COL4A2: variants seen among roughly 807,000 people sequenced by gnomAD.
COL4A2 encodes collagen type IV alpha 2 chain.
A neutral mutation model predicts 200.2 loss-of-function variants in COL4A2; 99 were observed. That is an observed-to-expected ratio of 0.49 (90% CI 0.42 to 0.58). COL4A2 has a LOEUF of 0.58. Among genes scored for constraint, COL4A2 ranks in the 20% least tolerant of loss-of-function variants. The probability of loss-of-function intolerance (pLI) is 0.00; values close to 1 mark genes in which losing one functional copy is unlikely to be tolerated. For missense variants in COL4A2, 1,950 were observed against 2,314.1 expected, an observed-to-expected ratio of 0.84 and a Z score of 3.23; for synonymous variants, 897 against 900.6, an observed-to-expected ratio of 1.00 and a Z score of 0.07.
intron 3 of COL4A2, among the ~76,000 whole-genome samples, chr13:110,341,936 T>A (rs1408703134): frequency 6.6e-6 from 1 of 152,212 alleles, no homozygotes; most frequent in Non-Finnish European, 1.5e-5. Flanking sequence ...TGTTAGTTGT[T>A]TGTAATATGA....
intron 20 of COL4A2, chr13:110,456,795 G>A: frequency 2.1e-6 from 1 of 480,808 alleles, no homozygotes; most frequent in Non-Finnish European, 4.3e-6. Flanking sequence ...TGGGATGCCG[G>A]GCACCCATGG....
At chr13:110,496,063 C>T (rs564908922) in intron 40 of COL4A2, among the ~76,000 whole-genome samples, 6 of 152,336 alleles carry the variant, frequency 3.9e-5, no homozygotes, top group South Asian at 2.1e-4. Flanking sequence ...TCCCCCACCC[C>T]GCCCACCTCA....
chr13:110,361,766 A>T (rs2139392697), intron 4 of COL4A2, among the ~76,000 whole-genome samples: 1 of 152,288 alleles, frequency 6.6e-6, no homozygotes, highest in Non-Finnish European at 1.5e-5. Flanking sequence ...CCCATAGATA[A>T]TTCCAGCAAG....
At chr13:110,387,357 A>G (rs1011939096) in intron 4 of COL4A2, among the ~76,000 whole-genome samples, 1 of 152,258 alleles carries the variant, frequency 6.6e-6, no homozygotes, top group African/African-American at 2.4e-5. Context: ...CCAGACCCTG[A>G]GCTGCTGGAG....
chr13:110,510,636 A>C (rs563619747), intron 47 of COL4A2, among the ~76,000 whole-genome samples: 1 of 149,840 alleles, frequency 6.7e-6, no homozygotes, highest in South Asian at 2.2e-4. Flanking sequence ...GTGTGTGTAC[A>C]TGCGTGCATT....
rs140841640 is a variant in COL4A2, at chr13:110,374,799, G to C, written c.180+17247G>C. On this transcript the variant is annotated intron_variant, in intron 4 of 47. Coordinates refer to ENST00000360467, the MANE Select transcript of COL4A2 (RefSeq NM_001846.4). ...CCCCTGACTCTGCTAACCTCATGCC[G>C]ATTATACTTCTGTAGTTTCATTAAG... Among the ~76,000 whole-genome samples the C allele has an allele frequency of 7.9e-5, 12 of 152,204 alleles. No homozygotes were observed. In the South Asian group the frequency reaches 1.2e-3, roughly 16 times the overall value.
At chr13:110,380,168 G>C (rs1318240183) in intron 4 of COL4A2, among the ~76,000 whole-genome samples, 2 of 152,208 alleles carry the variant, frequency 1.3e-5, no homozygotes, top group Non-Finnish European at 2.9e-5. Flanking sequence ...CAACCCAGCT[G>C]GGAGTGATTT....
rs9583491 is a variant in COL4A2, at chr13:110,407,483, G to A, written c.181-17251G>A. Among the ~76,000 whole-genome samples, 1,092 of 152,354 alleles carry A rather than the reference G, an allele frequency of 7.2e-3. 11 individuals are homozygous for A. The highest frequency in any genetic ancestry group is 0.023 in the African/African-American group (965 of 41,592). On this transcript the variant is annotated intron_variant, in intron 4 of 47. Coordinates refer to ENST00000360467, the MANE Select transcript of COL4A2 (RefSeq NM_001846.4). ...GCCGTGGCACACGCAGCACCAGGAG[G>A]CCTGGGCATCACATCCACCGACCCG... is the stretch of plus-strand genomic sequence containing the variant.
At chr13:110,484,713 C>T (rs1883050357) in intron 32 of COL4A2, among the ~76,000 whole-genome samples, 192 bp from the exon 33 acceptor site, 1 of 152,084 alleles carries the variant, frequency 6.6e-6, no homozygotes. Context: ...GGCCCAGGAC[C>T]CTGGAGCCAC....
chr13:110,416,949 C>G (rs1880061939), intron 4 of COL4A2, among the ~76,000 whole-genome samples: 1 of 151,728 alleles, frequency 6.6e-6, no homozygotes. Context: ...AAAGCTAGGT[C>G]TTGGTTTCTT....
intron 29 of COL4A2, among the ~76,000 whole-genome samples, chr13:110,474,681 ACGTACCCACACACGTGCC>A (rs1882615539): frequency 2.1e-5 from 3 of 144,688 alleles, no homozygotes; most frequent in Non-Finnish European, 3.0e-5. Flanking sequence ...CTCCTTACAC[ACGTACCCACACACGTGCC>A]TGTGTACACT....
At chr13:110,321,178 A>G (rs1267255476) in intron 3 of COL4A2, among the ~76,000 whole-genome samples, 2 of 149,770 alleles carry the variant, frequency 1.3e-5, no homozygotes, top group Non-Finnish European at 3.0e-5. Flanking sequence ...TATAGTGTGC[A>G]TGTGTGTGTG....
intron 3 of COL4A2, among the ~76,000 whole-genome samples, chr13:110,336,085 A>G (rs1876172746): frequency 6.6e-6 from 1 of 152,206 alleles, no homozygotes; most frequent in African/African-American, 2.4e-5. Flanking sequence ...ATTTGCCTCT[A>G]TGTATCTTCT....
intron 3 of COL4A2, among the ~76,000 whole-genome samples, chr13:110,327,237 A>T (rs1271745402): frequency 6.6e-6 from 1 of 152,144 alleles, no homozygotes; most frequent in African/African-American, 2.4e-5. Flanking sequence ...CACCCATGGA[A>T]TTTGGGCGTC....
intron 40 of COL4A2, among the ~76,000 whole-genome samples, chr13:110,496,755 C>T (rs1279579885): frequency 6.6e-6 from 1 of 151,176 alleles, no homozygotes; most frequent in East Asian, 2.0e-4. Flanking sequence ...CCAGCACAGC[C>T]TCAGTCAAGG....
rs200619936 is a variant in COL4A2, at chr13:110,368,853, G to A, written c.180+11301G>A. On this transcript the variant is annotated intron_variant, in intron 4 of 47. Transcript: ENST00000360467. ...ATCAACTAAGGCCAAAGAAAAGGGGGGGGGGGGGTTGAGCTCAATAATAGC... is the reference window on the plus strand; with the variant it reads ...ATCAACTAAGGCCAAAGAAAAGGGGAGGGGGGGGTTGAGCTCAATAATAGC... 3.0e-3 allele frequency among the ~76,000 whole-genome samples: 158 copies of A among 52,700 alleles called. 6 individuals are homozygous for A. The East Asian group carries it at 0.099, about 33-fold the overall frequency. The allele number at this position is 52,700 out of a possible 152,430, so 34.6% of individuals were successfully genotyped here.
chr13:110,430,841 A>G (rs1399396077), intron 10 of COL4A2: 1 of 757,056 alleles, frequency 1.3e-6, no homozygotes, highest in South Asian at 1.3e-5. Flanking sequence ...AGTTATGTCA[A>G]ATTTTGACTT....
chr13:110,336,563 T>G (rs770795140), intron 3 of COL4A2, among the ~76,000 whole-genome samples: 1 of 152,088 alleles, frequency 6.6e-6, no homozygotes, highest in Non-Finnish European at 1.5e-5. Flanking sequence ...TAAAGGACTA[T>G]GTTGTGGAGG....
At chr13:110,497,150 G>T (rs998098651) in intron 40 of COL4A2, among the ~76,000 whole-genome samples, 1 of 151,946 alleles carries the variant, frequency 6.6e-6, no homozygotes, top group Non-Finnish European at 1.5e-5. Context: ...CCTCAGCCAG[G>T]GATCTAGGGT....
Sources: allele counts gnomAD v4.1 joint callset (sites outside exome capture counted in the v4.1 genomes callset), GRCh38; gene constraint gnomAD v4.1.1; transcripts MANE v1.5; gene names NCBI Gene and HGNC (gene_info 2026-07-23, HGNC 2026-07-21).